Variants in TERB1 observed in about 807,000 individuals in gnomAD.
TERB1 encodes the protein telomere repeat binding bouquet formation protein 1, also known as telomere repeats-binding bouquet formation protein 1.
Under a neutral mutation model 92.3 loss-of-function variants are expected in TERB1, and 63 were observed. The observed-to-expected ratio is 0.68, with a 90% CI of 0.56 to 0.84. The LOEUF (loss-of-function observed/expected upper bound fraction) is 0.84. Among genes scored for constraint, TERB1 ranks in the 40% least tolerant of loss-of-function variants. TERB1 has a pLI of 0.00. For missense variants in TERB1, 709 were observed against 843.7 expected (o/e 0.84, Z 1.98); for synonymous variants, 252 against 283.9 (o/e 0.89, Z 1.13).
chr16:66,778,930 C>A lies in TERB1; in HGVS notation c.786G>T (p.Glu262Asp). 6.5e-7 allele frequency: 1 copy of A among 1,538,310 alleles called. No individual in the cohort carries two copies. Among genetic ancestry groups the A allele is most frequent in the South Asian group, 1.2e-5 (1 of 83,010 alleles). ...CTGCAAGTTTAGCACTGGAAAGAGTCTCATGTGAATCAGATTCCAGCTGCA... is the reference window on the plus strand; with the variant it reads ...CTGCAAGTTTAGCACTGGAAAGAGTATCATGTGAATCAGATTCCAGCTGCA... The part of the protein sequence containing the change: ...VLMQLESDSH[E>D]TLSSAKLAVV... Residue 262 changes from glutamate to aspartate, a missense_variant, in exon 10 of 19, where the codon GAG (glutamate) becomes GAT (aspartate). Coordinates refer to ENST00000433154, the MANE Select transcript of TERB1 (RefSeq NM_001136505.2).
intron 9 of TERB1, among the ~76,000 whole-genome samples, 155 bp downstream of exon 9, chr16:66,785,631 C>G (rs1221750857): frequency 6.6e-6 from 1 of 152,106 alleles, no homozygotes; most frequent in Admixed American, 6.6e-5. Context: ...CTAAAAATAT[C>G]TACTTTTAAG....
chr16:66,769,046 G>C (rs1023555285), intron 14 of TERB1, among the ~76,000 whole-genome samples: 2 of 151,678 alleles, frequency 1.3e-5, no homozygotes, highest in Non-Finnish European at 2.9e-5. Flanking sequence ...TGGAGGTTGC[G>C]GTGAGCCGAG....
rs2145121761 is a variant in TERB1, at chr16:66,770,267, T to C, written c.1315A>G (p.Met439Val). The C allele has an allele frequency of 2.6e-6, 4 of 1,550,914 alleles. No individual in the cohort carries two copies. The highest frequency in any genetic ancestry group is 1.2e-5 in the South Asian group (1 of 83,746). Residue 439 changes from methionine to valine, a missense_variant, in exon 14 of 19, where the codon ATG becomes GTG. Physicochemically the swap from Met to Val is conservative, Grantham distance 21. Coordinates refer to ENST00000433154, the MANE Select transcript of TERB1 (RefSeq NM_001136505.2). ...RENYQDNISS[M>V]NISIQNTWKH... ...CATGTATTCTGAATACTTATGTTCA[T>C]AGATGAAATATTATCCTGATAGTTT...
At chr16:66,787,912 A>G (rs576085046) in intron 6 of TERB1, among the ~76,000 whole-genome samples, 1 of 152,254 alleles carries the variant, frequency 6.6e-6, no homozygotes, top group East Asian at 1.9e-4. Flanking sequence ...AAATCCAAAA[A>G]TTAGTTGGGC....
rs1008651925 is a variant in TERB1 at position 66,790,702 on chromosome 16, C to T, written c.164G>A (p.Arg55Gln). 60 of 1,550,242 alleles carry T rather than the reference C, an allele frequency of 3.9e-5. No homozygotes were observed. The highest frequency in any genetic ancestry group is 5.1e-5 in the Non-Finnish European group (58 of 1,146,522). ...QQNSNASVYF[R>Q]EIGGLMFVKN... Reference sequence around the variant, plus strand: ...TACAAACATCAAACCACCAATTTCCCGAAAATAAACACTTGCATTACCTGT... The same window carrying T: ...TACAAACATCAAACCACCAATTTCCTGAAAATAAACACTTGCATTACCTGT... Residue 55 changes from arginine to glutamine, a missense_variant, in exon 5 of 19, where the codon CGG (arginine) becomes CAG (glutamine). Transcript: ENST00000433154.
chr16:66,789,198 C>T (rs991661658), intron 5 of TERB1, among the ~76,000 whole-genome samples: 1 of 151,742 alleles, frequency 6.6e-6, no homozygotes, highest in South Asian at 2.1e-4. Context: ...TTCTCCATGC[C>T]GTGATTATGC....
At chr16:66,790,526 A>T in intron 5 of TERB1, 69 bp downstream of exon 5, 1 of 1,136,560 alleles carries the variant, frequency 8.8e-7, no homozygotes, top group Non-Finnish European at 1.2e-6. Flanking sequence ...CTATAAAATT[A>T]GTTTTGAGTA....
chr16:66,763,174 T>C (rs1395804938), intron 16 of TERB1, among the ~76,000 whole-genome samples: 1 of 150,174 alleles, frequency 6.7e-6, no homozygotes, highest in Non-Finnish European at 1.5e-5. Flanking sequence ...TCTCACTATG[T>C]TGCTCAGGCT....
intron 14 of TERB1, 101 bp from the exon 15 acceptor site, chr16:66,768,269 G>T: frequency 1.1e-6 from 1 of 881,756 alleles, no homozygotes; most frequent in Non-Finnish European, 1.8e-6. Context: ...TGTTTGGTGG[G>T]CAAAAGCAAC....
chr16:66,767,304 A>C (rs1478035684), intron 16 of TERB1, 111 bp downstream of exon 16: 2 of 617,070 alleles, frequency 3.2e-6, no homozygotes, highest in Admixed American at 3.8e-5. Context: ...GCGCCACTGC[A>C]CTCCAGCCTG....
chr16:66,764,525 T>G (rs2018305887), intron 16 of TERB1, among the ~76,000 whole-genome samples: 1 of 152,196 alleles, frequency 6.6e-6, no homozygotes. Flanking sequence ...TTCTTTAGCA[T>G]GATGACACGA....
chr16:66,758,790 G>C lies in TERB1; in HGVS notation c.1979C>G (p.Thr660Ser). The change falls in exon 18 of 19, where the codon ACT (threonine) becomes AGT (serine). Residue 660 changes from threonine (T) to serine (S), a missense_variant. Coordinates refer to ENST00000433154, the MANE Select transcript of TERB1 (RefSeq NM_001136505.2). ...RRRQRLSNESTTPGGIKKRRI... is the reference protein window; with the variant it reads ...RRRQRLSNESSTPGGIKKRRI... ...ATATTCACTTATTCCTCCAGGGGTAGTAGATTCATTACTGAGTCGTTGTCT... is the reference window on the plus strand; with the variant it reads ...ATATTCACTTATTCCTCCAGGGGTACTAGATTCATTACTGAGTCGTTGTCT... The C allele has an allele frequency of 6.5e-7, 1 of 1,533,814 alleles. No homozygotes were observed. The highest frequency in any genetic ancestry group is 1.4e-5 in the African/African-American group (1 of 72,580).
chr16:66,777,517 T>C (rs932824482), intron 10 of TERB1, among the ~76,000 whole-genome samples, 183 bp from the exon 11 acceptor site: 8 of 152,214 alleles, frequency 5.3e-5, no homozygotes, highest in Non-Finnish European at 7.3e-5. Flanking sequence ...TATAAATTCA[T>C]TGTAATAAGA....
intron 6 of TERB1, among the ~76,000 whole-genome samples, chr16:66,786,879 C>T (rs1299411175): frequency 6.6e-6 from 1 of 152,246 alleles, no homozygotes; most frequent in African/African-American, 2.4e-5. Flanking sequence ...GCCCTACCCC[C>T]ACCCAACACC....
chr16:66,792,990 AATTTT>A lies in TERB1; in HGVS notation c.32-1976_32-1972del, dbSNP rs751035693. The stretch of plus-strand genomic sequence containing the variant: ...TTTATACTACTCAATTTATTTTTAA[AATTTT>A]ATTTTATTTTATAAAATTTTATTTT... On this transcript the variant is annotated intron_variant, in intron 3 of 18. Transcript: ENST00000433154. Among the ~76,000 whole-genome samples the A allele has an allele frequency of 2.3e-3, 356 of 151,620 alleles. 3 individuals are homozygous for A. Among genetic ancestry groups the A allele is most frequent in the Admixed American group, 6.1e-3 (93 of 15,240 alleles).
chr16:66,787,283 C>CTTTTTTTTTTTTTTTTTTTTTTTT (rs58213946), intron 6 of TERB1, among the ~76,000 whole-genome samples: 1 of 137,892 alleles, frequency 7.3e-6, no homozygotes, highest in African/African-American at 2.6e-5. Flanking sequence ...TTTTCTTTTT[C>CTTTTTTTTTTTTTTTTTTTTTTTT]TTTTTTTTTT....
chr16:66,785,924 GTCAA>G lies in TERB1; in HGVS notation c.578-20_578-17del. On this transcript the variant is annotated splice_polypyrimidine_tract_variant and intron_variant, in intron 8 of 18. Coordinates refer to ENST00000433154, the MANE Select transcript of TERB1 (RefSeq NM_001136505.2). ...TGATTCTCATCTGAAAGAAGACAAA[GTCAA>G]TCATGATTTAATATGACAATTGGAA... The G allele has an allele frequency of 6.5e-7, 1 of 1,536,488 alleles. No homozygotes were observed. The highest frequency in any genetic ancestry group is 8.8e-7 in the Non-Finnish European group (1 of 1,139,666).
At chr16:66,763,413 T>C (rs574474856) in intron 16 of TERB1, among the ~76,000 whole-genome samples, 1 of 152,340 alleles carries the variant, frequency 6.6e-6, no homozygotes, top group Admixed American at 6.5e-5. Flanking sequence ...CCTAGTTGTG[T>C]CCTTTAAAAT....
chr16:66,788,643 A>G (rs950416835), intron 5 of TERB1, among the ~76,000 whole-genome samples: 1 of 152,128 alleles, frequency 6.6e-6, no homozygotes, highest in Admixed American at 6.5e-5. Flanking sequence ...CAAGAAAAAC[A>G]ATTCAAGAAA....
Sources: allele counts gnomAD v4.1 joint callset (sites outside exome capture counted in the v4.1 genomes callset), GRCh38; gene constraint gnomAD v4.1.1; transcripts MANE v1.5; gene names NCBI Gene and HGNC (gene_info 2026-07-23, HGNC 2026-07-21).